The following SND1 variants were observed in gnomAD, a reference collection of about 807,000 sequenced individuals.
SND1 encodes the protein staphylococcal nuclease and tudor domain containing 1.
In SND1, 38 loss-of-function variants were observed where a neutral mutation model predicts 121.7. The observed-to-expected ratio is 0.31, with a 90% CI of 0.24 to 0.41. The LOEUF (loss-of-function observed/expected upper bound fraction) is 0.41, where lower values mean the gene tolerates loss of function less well. Ranked by LOEUF, SND1 falls within the 10% of genes least tolerant of loss-of-function variation. The pLI, the probability that SND1 is intolerant of heterozygous loss-of-function variation, is 1.00. For synonymous variants in SND1, 401 were observed against 447.4 expected (o/e 0.90, Z 1.31); for missense variants, 868 against 1,184.6 (o/e 0.73, Z 3.92).
intron 22 of SND1, among the ~76,000 whole-genome samples, chr7:128,090,441 A>T (rs1015167997): frequency 2.6e-5 from 4 of 152,130 alleles, no homozygotes; most frequent in African/African-American, 4.8e-5. Flanking sequence ...CCTATTGCAG[A>T]CCAGCCCTGC....
At chr7:127,907,227 C>T (rs1025805241) in intron 14 of SND1, among the ~76,000 whole-genome samples, 3 of 152,074 alleles carry the variant, frequency 2.0e-5, no homozygotes, top group Non-Finnish European at 4.4e-5. Flanking sequence ...TTTGTCTTTT[C>T]CCACCTTCTT....
intron 14 of SND1, among the ~76,000 whole-genome samples, chr7:127,913,383 T>C (rs1225402445): frequency 1.3e-5 from 2 of 152,220 alleles, no homozygotes; most frequent in African/African-American, 4.8e-5. Context: ...TGAAGTGTAC[T>C]GAGCTATAAT....
chr7:128,081,299 C>A, intron 17 of SND1, 61 bp from the exon 18 acceptor site: 1 of 1,602,638 alleles, frequency 6.2e-7, no homozygotes. Context: ...CCTGGCCTCC[C>A]AGTGTCTTTT....
intron 16 of SND1, among the ~76,000 whole-genome samples, chr7:128,045,789 C>T (rs1792935394): frequency 6.6e-6 from 1 of 152,294 alleles, no homozygotes; most frequent in South Asian, 2.1e-4. Context: ...CCATTCTCTC[C>T]CCATGACCAC....
intron 13 of SND1, among the ~76,000 whole-genome samples, chr7:127,903,877 T>C (rs144337209): frequency 1.1e-3 from 175 of 152,280 alleles, no homozygotes; most frequent in African/African-American, 4.1e-3. Context: ...TGAGTCTCCA[T>C]AGACAAGATT....
At chr7:127,857,283 C>T (rs1799294738) in intron 12 of SND1, among the ~76,000 whole-genome samples, 3 of 143,620 alleles carry the variant, frequency 2.1e-5, no homozygotes, top group Non-Finnish European at 3.0e-5. Flanking sequence ...AGCTCTGCCT[C>T]CCAGGTTCAC....
intron 1 of SND1, among the ~76,000 whole-genome samples, chr7:127,676,816 A>G (rs894806226): frequency 5.3e-5 from 8 of 152,192 alleles, no homozygotes; most frequent in African/African-American, 1.9e-4. Flanking sequence ...ATCTCGGCTC[A>G]CTGCAACCTC....
At chr7:127,683,275 G>A (rs956245670) in intron 1 of SND1, among the ~76,000 whole-genome samples, 2 of 152,146 alleles carry the variant, frequency 1.3e-5, no homozygotes, top group Non-Finnish European at 2.9e-5. Flanking sequence ...GAGTGCAGTG[G>A]CACAACCATG....
chr7:127,658,600 G>C (rs973549351), intron 1 of SND1, among the ~76,000 whole-genome samples: 10 of 152,086 alleles, frequency 6.6e-5, no homozygotes. Flanking sequence ...GTACTTTTTT[G>C]CCTAGCAAGC....
intron 10 of SND1, among the ~76,000 whole-genome samples, chr7:127,745,994 T>C (rs1296052533): frequency 1.3e-5 from 2 of 152,130 alleles, no homozygotes; most frequent in African/African-American, 4.8e-5. Context: ...TTGAATCCAT[T>C]TTGGGGTAGT....
intron 10 of SND1, among the ~76,000 whole-genome samples, chr7:127,765,358 A>G (rs1157007989): frequency 1.3e-5 from 2 of 152,234 alleles, no homozygotes; most frequent in Non-Finnish European, 2.9e-5. Flanking sequence ...ACAGATCCTC[A>G]TGCAAGTATT....
At chr7:127,993,347 T>C (rs1428485107) in intron 16 of SND1, among the ~76,000 whole-genome samples, 1 of 152,256 alleles carries the variant, frequency 6.6e-6, no homozygotes, top group Admixed American at 6.5e-5. Context: ...CTCTTTGTCC[T>C]ACTCCCCCAA....
intron 10 of SND1, among the ~76,000 whole-genome samples, chr7:127,797,421 T>A (rs2116555726): frequency 6.6e-6 from 1 of 152,370 alleles, no homozygotes; most frequent in Admixed American, 6.5e-5. Context: ...AGCCTTGTTC[T>A]CTTCAGGAAT....
chr7:127,698,994 A>G, intron 4 of SND1, 41 bp downstream of exon 4: 1 of 1,545,172 alleles, frequency 6.5e-7, no homozygotes, highest in Non-Finnish European at 8.9e-7. Context: ...ACAGCGGTAA[A>G]TTGGCTTTGC....
At chr7:127,991,092 G>A (rs532516832) in intron 16 of SND1, 36 bp downstream of exon 16, 4 of 1,520,832 alleles carry the variant, frequency 2.6e-6, no homozygotes, top group South Asian at 1.1e-5. Flanking sequence ...CTGTGAGGAG[G>A]GGTGACAAAA....
chr7:127,747,039 G>A (rs1219589026), intron 10 of SND1, among the ~76,000 whole-genome samples: 2 of 152,190 alleles, frequency 1.3e-5, no homozygotes, highest in African/African-American at 4.8e-5. Context: ...GGGGATAATT[G>A]AGAATAAATG....
At chr7:127,854,965 CTAATA>C (rs990526081) in intron 12 of SND1, among the ~76,000 whole-genome samples, 12 of 149,748 alleles carry the variant, frequency 8.0e-5, no homozygotes, top group African/African-American at 2.7e-4. Flanking sequence ...TTTCATCCTG[CTAATA>C]TAATAGCTCC....
chr7:127,694,190 G>C (rs1051363548), intron 2 of SND1, among the ~76,000 whole-genome samples: 2 of 152,156 alleles, frequency 1.3e-5, no homozygotes, highest in African/African-American at 4.8e-5. Flanking sequence ...TACTATTGCT[G>C]ATCTTTAAAG....
intron 10 of SND1, among the ~76,000 whole-genome samples, chr7:127,773,112 GAT>G (rs35018091): frequency 0.33 from 49,847 of 151,936 alleles, 9,059 homozygotes; most frequent in Middle Eastern, 0.42. Flanking sequence ...TGTTGTCTGT[GAT>G]ATATAAATAA....
Sources: gnomAD v4.1 joint callset for allele counts (sites outside exome capture counted in the v4.1 genomes callset) on GRCh38, gnomAD v4.1.1 for gene constraint, MANE v1.5 for transcripts, NCBI Gene and HGNC (gene_info 2026-07-23, HGNC 2026-07-21) for gene names.